KIF5C: variants seen among roughly 807,000 people sequenced by gnomAD.
The protein encoded by KIF5C is kinesin heavy chain isoform 5C.
Under a neutral mutation model 125.2 loss-of-function variants are expected in KIF5C, and 18 were observed. The observed-to-expected ratio is 0.14, with a 90% CI of 0.10 to 0.21. The LOEUF is 0.21. Ranked by LOEUF, KIF5C falls within the 10% of genes least tolerant of loss-of-function variation. The pLI is 1.00. For missense variants in KIF5C, 780 were observed against 1,183.8 expected (o/e 0.66, Z 5.01); for synonymous variants, 405 against 434.0 (o/e 0.93, Z 0.83).
chr2:148,979,708 CA>C (rs927470603), intron 13 of KIF5C, among the ~76,000 whole-genome samples: 35 of 152,250 alleles, frequency 2.3e-4, no homozygotes, highest in African/African-American at 8.4e-4. Context: ...TAGGGATACA[CA>C]AACAAAAACA....
intron 3 of KIF5C, among the ~76,000 whole-genome samples, chr2:148,935,865 G>A (rs112446662): frequency 2.6e-5 from 4 of 152,090 alleles, no homozygotes; most frequent in African/African-American, 9.7e-5. Flanking sequence ...TACATGCACT[G>A]GCCATCCCTA....
intron 10 of KIF5C, among the ~76,000 whole-genome samples, chr2:148,961,716 C>T (rs1194001018): frequency 6.6e-6 from 1 of 152,108 alleles, no homozygotes; most frequent in Non-Finnish European, 1.5e-5. Context: ...AGAGGAAACC[C>T]TGAGACAATT....
chr2:148,967,872 A>G (rs1680785666), intron 11 of KIF5C, among the ~76,000 whole-genome samples: 2 of 152,114 alleles, frequency 1.3e-5, no homozygotes, highest in Admixed American at 6.6e-5. Context: ...ATGGAGATAG[A>G]GTTAAATAGT....
chr2:148,937,176 T>C (rs1682308705), intron 3 of KIF5C, 108 bp from the exon 4 acceptor site: 1 of 1,465,978 alleles, frequency 6.8e-7, no homozygotes, highest in Non-Finnish European at 9.1e-7. Context: ...ACGTGGGTGC[T>C]TCCTGCTCCA....
At chr2:148,976,755 A>G (rs933735972) in intron 12 of KIF5C, among the ~76,000 whole-genome samples, 3 of 147,064 alleles carry the variant, frequency 2.0e-5, no homozygotes, top group African/African-American at 7.6e-5. Flanking sequence ...TTTTTTTTGT[A>G]TGTTTTGTAG....
chr2:148,962,507 G>A (rs1476049587), intron 11 of KIF5C, among the ~76,000 whole-genome samples: 1 of 152,014 alleles, frequency 6.6e-6, no homozygotes, highest in African/African-American at 2.4e-5. Flanking sequence ...TCTTGTGACT[G>A]TTGGCATCCT....
intron 1 of KIF5C, among the ~76,000 whole-genome samples, chr2:148,902,040 T>C (rs1250369990): frequency 6.6e-6 from 1 of 152,228 alleles, no homozygotes; most frequent in East Asian, 1.9e-4. Flanking sequence ...AGAAGAGACC[T>C]CTTCACCGGG....
chr2:149,020,569 T>G (rs150384659), intron 25 of KIF5C, among the ~76,000 whole-genome samples: 2 of 152,286 alleles, frequency 1.3e-5, no homozygotes, highest in African/African-American at 4.8e-5. Context: ...TTGTGTCTAG[T>G]GCTTGCTGTG....
At chr2:148,881,286 T>C (rs1681342435) in intron 1 of KIF5C, among the ~76,000 whole-genome samples, 1 of 152,182 alleles carries the variant, frequency 6.6e-6, no homozygotes, top group Non-Finnish European at 1.5e-5. Context: ...TGTTTTCATC[T>C]ATTTCTGGTA....
Position 148,997,082 on chromosome 2 carries a change from G to T in KIF5C, c.2024-182G>T, listed in dbSNP as rs1222714807. 3.3e-5 allele frequency among the ~76,000 whole-genome samples: 5 copies of T among 152,238 alleles called. No homozygotes were observed. In the South Asian group the frequency reaches 1.0e-3, roughly 32 times the overall value. ...CCCCCGTGGAAGGAATGCTTCAGGA[G>T]GGGGCAGCCTTGGCTTTAGCCAGAA... On this transcript the variant is annotated intron_variant, in intron 17 of 25. Coordinates refer to ENST00000435030, the MANE Select transcript of KIF5C (RefSeq NM_004522.3).
At chr2:148,977,087 G>C (rs1187458863) in intron 12 of KIF5C, among the ~76,000 whole-genome samples, 2 of 152,158 alleles carry the variant, frequency 1.3e-5, no homozygotes, top group African/African-American at 4.8e-5. Context: ...AATCACAGTA[G>C]AGCTCATTAA....
chr2:148,918,363 A>G (rs1681644224), intron 1 of KIF5C, among the ~76,000 whole-genome samples: 1 of 152,196 alleles, frequency 6.6e-6, no homozygotes, highest in African/African-American at 2.4e-5. Flanking sequence ...TGGGATTTAT[A>G]TGGCTTCTGT....
At chr2:149,000,222 CT>C (rs1681809674) in intron 19 of KIF5C, 200 bp from the exon 20 acceptor site, 1 of 533,838 alleles carries the variant, frequency 1.9e-6, no homozygotes, top group South Asian at 4.3e-5. Context: ...TGTTTCATGA[CT>C]CTTAGATGCA....
chr2:149,010,030 TAGCAGGGGCCACCTGTTCAGC>T, intron 23 of KIF5C, 84 bp from the exon 24 acceptor site: 3 of 1,452,116 alleles, frequency 2.1e-6, no homozygotes, highest in Non-Finnish European at 2.7e-6. Flanking sequence ...AAGGACAACC[TAGCAGGGGCCACCTGTTCAGC>T]AGCAGGGGCT....
intron 15 of KIF5C, among the ~76,000 whole-genome samples, chr2:148,986,260 G>A (rs1472016683): frequency 6.6e-6 from 1 of 152,140 alleles, no homozygotes; most frequent in Non-Finnish European, 1.5e-5. Context: ...GATTGAGATT[G>A]TTTTTAAATA....
intron 2 of KIF5C, among the ~76,000 whole-genome samples, chr2:148,923,391 A>G (rs1202583102): frequency 6.6e-6 from 1 of 152,208 alleles, no homozygotes; most frequent in Non-Finnish European, 1.5e-5. Context: ...AGGTCTTCAC[A>G]GTGAGATTTT....
In KIF5C at chr2:148,942,657, A is replaced by G. The variant is rs762098384; in HGVS notation, c.502-16A>G. The G allele has an allele frequency of 6.2e-7, 1 of 1,603,894 alleles. No homozygotes were observed. Among genetic ancestry groups the G allele is most frequent in the Non-Finnish European group, 8.5e-7 (1 of 1,175,334 alleles). On this transcript the variant is annotated splice_polypyrimidine_tract_variant and intron_variant, in intron 6 of 25. Transcript: ENST00000435030. ...TCAACTCTTTCAGTGGTGAACCTGA[A>G]CTGATTCTCTTCCAGGGGTGCACTG...
At chr2:148,912,767 C>T (rs1237434147) in intron 1 of KIF5C, among the ~76,000 whole-genome samples, 1 of 152,164 alleles carries the variant, frequency 6.6e-6, no homozygotes, top group African/African-American at 2.4e-5. Context: ...TATTTTAGTG[C>T]TTCAAGTACT....
At chr2:148,895,261 C>G (rs1221689914) in intron 1 of KIF5C, among the ~76,000 whole-genome samples, 2 of 152,102 alleles carry the variant, frequency 1.3e-5, no homozygotes, top group East Asian at 3.9e-4. Context: ...CCTCAGCCCC[C>G]TGAGTAGCTG....
Sources: allele counts gnomAD v4.1 joint callset (sites outside exome capture counted in the v4.1 genomes callset), GRCh38; gene constraint gnomAD v4.1.1; transcripts MANE v1.5; gene names NCBI Gene and HGNC (gene_info 2026-07-23, HGNC 2026-07-21).